The following TTLL11 variants were observed in gnomAD, a reference collection of about 807,000 sequenced individuals.
The protein encoded by TTLL11 is tubulin tyrosine ligase like 11.
TTLL11 carries 42 observed loss-of-function variants against 51.7 expected under a neutral mutation model. The observed-to-expected ratio is 0.81, with a 90% CI of 0.64 to 1.05. The LOEUF (loss-of-function observed/expected upper bound fraction) is 1.05, where lower values mean the gene tolerates loss of function less well. Ranked by LOEUF, TTLL11 falls within the 50% of genes least tolerant of loss-of-function variation. The probability of loss-of-function intolerance (pLI) is 0.00; values close to 1 mark genes in which losing one functional copy is unlikely to be tolerated. For missense variants in TTLL11, 799 were observed against 940.4 expected (o/e 0.85, Z 1.97); for synonymous variants, 381 against 383.5 (o/e 0.99, Z 0.08).
chr9:121,962,383 G>C (rs915934168), intron 6 of TTLL11, among the ~76,000 whole-genome samples: 2 of 152,082 alleles, frequency 1.3e-5, no homozygotes, highest in Non-Finnish European at 2.9e-5. Context: ...TGCCTCCCCA[G>C]CTCCACCCAA....
At chr9:121,855,009 C>T (rs1321980600) in intron 8 of TTLL11, among the ~76,000 whole-genome samples, 1 of 152,120 alleles carries the variant, frequency 6.6e-6, no homozygotes, top group Non-Finnish European at 1.5e-5. Flanking sequence ...TCTTGAAGAG[C>T]CATTGACATT....
intron 3 of TTLL11, among the ~76,000 whole-genome samples, chr9:122,018,809 C>G (rs1844072823): frequency 6.6e-6 from 1 of 152,236 alleles, no homozygotes; most frequent in Non-Finnish European, 1.5e-5. Flanking sequence ...TGAGGACTTT[C>G]AGCATCAATC....
At chr9:121,839,296 C>T (rs1359435644) in intron 8 of TTLL11, among the ~76,000 whole-genome samples, 1 of 152,218 alleles carries the variant, frequency 6.6e-6, no homozygotes, top group Non-Finnish European at 1.5e-5. Flanking sequence ...CCATCACCCC[C>T]AGTGCCTGGC....
intron 6 of TTLL11, among the ~76,000 whole-genome samples, chr9:121,911,829 T>C (rs1840131582): frequency 6.6e-6 from 1 of 152,098 alleles, no homozygotes; most frequent in Non-Finnish European, 1.5e-5. Flanking sequence ...ATACCTAATG[T>C]AGATGATGGG....
At chr9:122,001,978 G>C (rs1224756482) in intron 3 of TTLL11, among the ~76,000 whole-genome samples, 1 of 152,210 alleles carries the variant, frequency 6.6e-6, no homozygotes, top group African/African-American at 2.4e-5. Flanking sequence ...GAGTGTGCTG[G>C]TTGGAAGCCA....
At chr9:121,895,813 G>T (rs1324544314) in intron 6 of TTLL11, among the ~76,000 whole-genome samples, 1 of 65,880 alleles carries the variant, frequency 1.5e-5, no homozygotes, top group African/African-American at 5.6e-5. Flanking sequence ...CGGGTGTTTT[G>T]TGTGTTTGTG....
intron 5 of TTLL11, among the ~76,000 whole-genome samples, chr9:121,974,497 G>A (rs1842651924): frequency 6.6e-6 from 1 of 151,880 alleles, no homozygotes; most frequent in African/African-American, 2.4e-5. Context: ...GGGAGGGGGA[G>A]AAAAATATAA....
chr9:122,029,734 G>A (rs1286455796), intron 3 of TTLL11, among the ~76,000 whole-genome samples: 1 of 152,160 alleles, frequency 6.6e-6, no homozygotes, highest in Non-Finnish European at 1.5e-5. Flanking sequence ...TGTAGCCTAA[G>A]TGTACAGTGT....
At chr9:121,975,485 G>C (rs1842683698) in intron 4 of TTLL11, among the ~76,000 whole-genome samples, 1 of 152,188 alleles carries the variant, frequency 6.6e-6, no homozygotes, top group Non-Finnish European at 1.5e-5. Flanking sequence ...GCCGAGGCAG[G>C]CAGATCACCT....
chr9:122,089,682 A>G (rs1180035215), intron 1 of TTLL11, among the ~76,000 whole-genome samples: 4 of 152,238 alleles, frequency 2.6e-5, no homozygotes. Context: ...CATAAGTCAG[A>G]TACCACCCCT....
intron 8 of TTLL11, among the ~76,000 whole-genome samples, chr9:121,851,844 G>A (rs941614702): frequency 6.7e-6 from 1 of 149,970 alleles, no homozygotes; most frequent in Non-Finnish European, 1.5e-5. Flanking sequence ...TGGTGGGGGG[G>A]AAGCCCTCAC....
At chr9:122,034,393 A>C (rs1202095987) in intron 2 of TTLL11, among the ~76,000 whole-genome samples, 1 of 152,202 alleles carries the variant, frequency 6.6e-6, no homozygotes, top group African/African-American at 2.4e-5. Flanking sequence ...GTTTACCTTC[A>C]TGTCTCCAGG....
intron 2 of TTLL11, among the ~76,000 whole-genome samples, chr9:122,036,726 T>C (rs10818617): frequency 0.39 from 59,248 of 151,794 alleles, 13,624 homozygotes; most frequent in African/African-American, 0.64. Context: ...ATATACAATG[T>C]ATAGAAAGTG....
At chr9:122,074,277 TA>T (rs201390866) in intron 1 of TTLL11, among the ~76,000 whole-genome samples, 2,299 of 133,260 alleles carry the variant, frequency 0.017, 22 homozygotes, top group African/African-American at 0.042. Flanking sequence ...TCATCTCAAT[TA>T]AAAAAAAAAA....
chr9:121,837,196 C>G (rs1837204290), intron 8 of TTLL11, among the ~76,000 whole-genome samples: 1 of 98,412 alleles, frequency 1.0e-5, no homozygotes, highest in Admixed American at 8.5e-5. Context: ...GGATGCTTTT[C>G]TCCTGTTTTC....
At chr9:122,010,506 A>G (rs1843764784) in intron 3 of TTLL11, among the ~76,000 whole-genome samples, 1 of 152,186 alleles carries the variant, frequency 6.6e-6, no homozygotes, top group African/African-American at 2.4e-5. Flanking sequence ...CCAACAGCAG[A>G]GCTGAGTATT....
At chr9:121,961,862 C>A (rs1842236940) in intron 6 of TTLL11, among the ~76,000 whole-genome samples, 1 of 152,090 alleles carries the variant, frequency 6.6e-6, no homozygotes, top group African/African-American at 2.4e-5. Context: ...TCAAGACCAG[C>A]CTGGCCAACA....
rs749123243 is a variant in TTLL11, at chr9:122,093,293, G to A, written c.-145C>T. 3.1e-5 allele frequency: 49 copies of A among 1,574,770 alleles called. No homozygotes were observed. The highest frequency in any genetic ancestry group is 3.8e-5 in the Non-Finnish European group (44 of 1,169,424). ...CGTTGCCATGATCGCTCAGGCTCGGGTTGACAGCGGCAGTCACCGCATCGA... is the reference window on the plus strand; with the variant it reads ...CGTTGCCATGATCGCTCAGGCTCGGATTGACAGCGGCAGTCACCGCATCGA... On this transcript the variant is annotated 5_prime_UTR_variant, in exon 1 of 9. Coordinates refer to ENST00000321582, the MANE Select transcript of TTLL11 (RefSeq NM_001139442.2).
rs538198396 is a variant in TTLL11, at chr9:122,040,699, T to A, written c.463-1331A>T. On this transcript the variant is annotated intron_variant, in intron 1 of 8. Transcript: ENST00000321582. The stretch of plus-strand genomic sequence containing the variant: ...ATGAAATGGTGGTGACTCAATGCTT[T>A]CCATACATTCCACATTAAAATGAAG... 1.3e-3 allele frequency among the ~76,000 whole-genome samples: 194 copies of A among 152,320 alleles called. 1 individual carries two copies. The highest frequency in any genetic ancestry group is 4.1e-3 in the African/African-American group (172 of 41,594).
Sources: gnomAD v4.1 joint callset for allele counts (sites outside exome capture counted in the v4.1 genomes callset) on GRCh38, gnomAD v4.1.1 for gene constraint, MANE v1.5 for transcripts, NCBI Gene and HGNC (gene_info 2026-07-23, HGNC 2026-07-21) for gene names.